PPM1H: variants seen among roughly 807,000 people sequenced by gnomAD.
The protein encoded by PPM1H is protein phosphatase, Mg2+/Mn2+ dependent 1H.
A neutral mutation model predicts 54.9 loss-of-function variants in PPM1H; 27 were observed. The observed-to-expected ratio is 0.49, with a 90% CI of 0.36 to 0.68. The LOEUF (loss-of-function observed/expected upper bound fraction) is 0.68, where lower values mean the gene tolerates loss of function less well. Ranked by LOEUF, PPM1H falls within the 30% of genes least tolerant of loss-of-function variation. The probability of loss-of-function intolerance (pLI) is 0.00; values close to 1 mark genes in which losing one functional copy is unlikely to be tolerated. For missense variants in PPM1H, 596 were observed against 667.8 expected, an observed-to-expected ratio of 0.89 and a Z score of 1.19; for synonymous variants, 305 against 270.8, an observed-to-expected ratio of 1.13 and a Z score of -1.24.
chr12:62,704,831 T>A (rs2076164266), intron 6 of PPM1H, among the ~76,000 whole-genome samples: 1 of 152,114 alleles, frequency 6.6e-6, no homozygotes, highest in South Asian at 2.1e-4. Flanking sequence ...CTGGAGGAAA[T>A]CACCTGATTG....
intron 4 of PPM1H, among the ~76,000 whole-genome samples, chr12:62,777,865 T>C (rs187894649): frequency 2.0e-4 from 30 of 152,366 alleles, no homozygotes; most frequent in East Asian, 1.3e-3. Flanking sequence ...TAATCTTTGC[T>C]TTCTATGATG....
At chr12:62,788,975 C>T (rs2120706066) in intron 3 of PPM1H, among the ~76,000 whole-genome samples, 1 of 151,870 alleles carries the variant, frequency 6.6e-6, no homozygotes, top group African/African-American at 2.4e-5. Context: ...ATCTGCCTGC[C>T]TCGGCCTCCC....
intron 1 of PPM1H, among the ~76,000 whole-genome samples, chr12:62,900,139 G>A (rs960968226): frequency 3.9e-5 from 6 of 152,162 alleles, no homozygotes; most frequent in African/African-American, 1.4e-4. Context: ...GACTAACACC[G>A]AGCTGTAGTC....
At chr12:62,879,791 AAAG>A (rs1870324863) in intron 1 of PPM1H, among the ~76,000 whole-genome samples, 1 of 152,064 alleles carries the variant, frequency 6.6e-6, no homozygotes, top group South Asian at 2.1e-4. Flanking sequence ...AAAAATAAAA[AAAG>A]AATGTTCTGT....
chr12:62,709,744 A>G (rs1233243779), intron 6 of PPM1H, among the ~76,000 whole-genome samples: 1 of 152,234 alleles, frequency 6.6e-6, no homozygotes, highest in East Asian at 1.9e-4. Context: ...AGTTTGAAGA[A>G]TAGGTTTAAA....
intron 4 of PPM1H, among the ~76,000 whole-genome samples, chr12:62,771,045 G>GACACAC (rs71086630): frequency 0.023 from 2,991 of 129,446 alleles, 57 homozygotes; most frequent in African/African-American, 0.032. Flanking sequence ...AAAAGAAAAA[G>GACACAC]ACACACACAC....
Position 62,788,341 on chromosome 12 carries a change from G to A in PPM1H, c.757-3C>T. 6.5e-7 allele frequency: 1 copy of A among 1,526,976 alleles called. No individual in the cohort carries two copies. The allele number at this position is 1,526,976 out of a possible 1,614,324, so 94.6% of individuals were successfully genotyped here. A position where few individuals can be genotyped will look rare whatever the true frequency, so the allele number is the denominator to read the frequency against. Reference sequence around the variant, plus strand: ...CTCTCTCGTTCTATCTGTAGGTCCTGGAGAATAAAACAGAGTTAGTGTTGG... The same window carrying A: ...CTCTCTCGTTCTATCTGTAGGTCCTAGAGAATAAAACAGAGTTAGTGTTGG... On this transcript the variant is annotated splice_region_variant and splice_polypyrimidine_tract_variant and intron_variant, in intron 3 of 9. Coordinates refer to ENST00000228705, the MANE Select transcript of PPM1H (RefSeq NM_020700.2).
Position 62,655,198 on chromosome 12 carries a change from G to A in PPM1H, c.1398-6562C>T, listed in dbSNP as rs1032248161. ...AGATTCATTAACTCAACACAACCCC[G>A]GGGACTCAGCTCTTGGGAGAAGGCC... is the stretch of plus-strand genomic sequence containing the variant. On this transcript the variant is annotated intron_variant, in intron 9 of 9. Transcript: ENST00000228705. Among the ~76,000 whole-genome samples the A allele has an allele frequency of 3.3e-5, 5 of 152,132 alleles. No individual in the cohort carries two copies. The East Asian group carries it at 5.8e-4, about 18-fold the overall frequency.
chr12:62,648,649 A>G lies in PPM1H; in HGVS notation c.1398-13T>C. 6.2e-7 allele frequency: 1 copy of G among 1,613,220 alleles called. No homozygotes were observed. Among genetic ancestry groups the G allele is most frequent in the East Asian group, 2.2e-5 (1 of 44,884 alleles). On this transcript the variant is annotated splice_polypyrimidine_tract_variant and intron_variant, in intron 9 of 9. Coordinates refer to ENST00000228705, the MANE Select transcript of PPM1H (RefSeq NM_020700.2). ...TGCCAGTGTGTACCTACACAGGAGAACCAGGAACGAGACAGTCAGTAGAGC... is the reference window on the plus strand; with the variant it reads ...TGCCAGTGTGTACCTACACAGGAGAGCCAGGAACGAGACAGTCAGTAGAGC...
Position 62,689,840 on chromosome 12 carries a change from G to T in PPM1H, c.1138-34C>A, listed in dbSNP as rs779369270. 7.5e-6 allele frequency: 11 copies of T among 1,463,434 alleles called. No homozygotes were observed. In the South Asian group the frequency reaches 1.2e-4, roughly 16 times the overall value. The allele number at this position is 1,463,434 out of a possible 1,614,324, so 90.7% of individuals were successfully genotyped here. On this transcript the variant is annotated intron_variant, in intron 7 of 9. Transcript: ENST00000228705. ...ATAAGCAGAGGGTCATCAGAAACAC[G>T]CACACAGTGAAAGCATCCCATTCCA...
At chr12:62,768,201 G>T (rs1040756315) in intron 4 of PPM1H, among the ~76,000 whole-genome samples, 6 of 152,190 alleles carry the variant, frequency 3.9e-5, no homozygotes, top group South Asian at 2.1e-4. Flanking sequence ...GAGGAAGGTT[G>T]TTCCCTGTGC....
chr12:62,775,984 C>T (rs1220122816), intron 4 of PPM1H, among the ~76,000 whole-genome samples: 1 of 152,110 alleles, frequency 6.6e-6, no homozygotes, highest in African/African-American at 2.4e-5. Flanking sequence ...GAAGGAGGTA[C>T]AAAGGCACGT....
At chr12:62,848,114 T>G (rs1388778693) in intron 1 of PPM1H, among the ~76,000 whole-genome samples, 3 of 152,238 alleles carry the variant, frequency 2.0e-5, no homozygotes, top group Non-Finnish European at 4.4e-5. Flanking sequence ...GAGGTTAATT[T>G]TCATTTCATT....
chr12:62,822,960 G>T (rs547523794), intron 2 of PPM1H, among the ~76,000 whole-genome samples: 1 of 152,086 alleles, frequency 6.6e-6, no homozygotes, highest in Non-Finnish European at 1.5e-5. Flanking sequence ...TCAGGAGCTG[G>T]TTTTTTGAAA....
At chr12:62,879,690 G>A (rs1019378468) in intron 1 of PPM1H, among the ~76,000 whole-genome samples, 4 of 151,914 alleles carry the variant, frequency 2.6e-5, no homozygotes, top group Non-Finnish European at 5.9e-5. Context: ...GCAGCAAACC[G>A]ACATGGCACA....
intron 2 of PPM1H, among the ~76,000 whole-genome samples, chr12:62,830,662 C>T (rs1050707688): frequency 6.6e-6 from 1 of 152,182 alleles, no homozygotes; most frequent in African/African-American, 2.4e-5. Flanking sequence ...AGGGCCTGGG[C>T]ACTTAACCAT....
chr12:62,843,873 C>T (rs748889566), intron 1 of PPM1H, among the ~76,000 whole-genome samples: 2 of 152,182 alleles, frequency 1.3e-5, no homozygotes, highest in Non-Finnish European at 2.9e-5. Flanking sequence ...TGAAAACTAG[C>T]TGTTATCTGA....
intron 6 of PPM1H, among the ~76,000 whole-genome samples, chr12:62,701,214 G>A (rs926781099): frequency 2.6e-5 from 4 of 152,062 alleles, no homozygotes; most frequent in Admixed American, 6.6e-5. Context: ...CTCCTTGTTC[G>A]GCTGCTTTCT....
intron 6 of PPM1H, among the ~76,000 whole-genome samples, chr12:62,719,122 T>C (rs1160771343): frequency 6.6e-6 from 1 of 152,180 alleles, no homozygotes; most frequent in African/African-American, 2.4e-5. Flanking sequence ...CTTCTCTTGG[T>C]TGGCAAAGGA....
Sources: gnomAD v4.1 joint callset for allele counts (sites outside exome capture counted in the v4.1 genomes callset) on GRCh38, gnomAD v4.1.1 for gene constraint, MANE v1.5 for transcripts, NCBI Gene and HGNC (gene_info 2026-07-23, HGNC 2026-07-21) for gene names.